MTMR10: variants seen among roughly 807,000 people sequenced by gnomAD.
MTMR10 encodes myotubularin related protein 10.
MTMR10 carries 56 observed loss-of-function variants against 88.1 expected under a neutral mutation model. The ratio of observed to expected loss-of-function variants is 0.64; its 90% CI spans 0.51 to 0.79. The LOEUF (loss-of-function observed/expected upper bound fraction) is 0.79, where lower values mean the gene tolerates loss of function less well. Ranked by LOEUF, MTMR10 falls within the 30% of genes least tolerant of loss-of-function variation. The probability of loss-of-function intolerance (pLI) is 0.00; values close to 1 mark genes in which losing one functional copy is unlikely to be tolerated. For missense variants in MTMR10, 883 were observed against 924.7 expected, an observed-to-expected ratio of 0.95 and a Z score of 0.58; for synonymous variants, 380 against 340.9, an observed-to-expected ratio of 1.11 and a Z score of -1.26.
At chr15:30,978,286 C>T (rs557843619) in intron 2 of MTMR10, among the ~76,000 whole-genome samples, 1 of 152,266 alleles carries the variant, frequency 6.6e-6, no homozygotes, top group Non-Finnish European at 1.5e-5. Flanking sequence ...GGATTATATG[C>T]TCCATGAGGG....
At chr15:30,936,978 C>T (rs1000206605), downstream of MTMR10, 17 of 673,838 alleles carry the variant, frequency 2.5e-5, no homozygotes, top group Middle Eastern at 1.2e-3. Context: ...AAGGACCATC[C>T]GTATATTTGT....
Position 30,977,032 on chromosome 15 carries a change from T to C in MTMR10, c.122-77A>G, listed in dbSNP as rs1474380. 425,852 of 1,390,660 alleles carry C rather than the reference T, an allele frequency of 0.31. 68,622 individuals carry two copies. Among genetic ancestry groups the C allele is most frequent in the Non-Finnish European group, 0.33 (334,618 of 1,001,610 alleles). 86.1% of individuals were successfully genotyped at this position (1,390,660 alleles called of 1,614,324 possible). ...GTCTTTGTGGGACCTAGAAGGAGTG[T>C]TTCATGAGGGCAAGGATGAGGATAG... is the stretch of plus-strand genomic sequence containing the variant. On this transcript the variant is annotated intron_variant, in intron 2 of 15. Transcript: ENST00000435680.
the MTMR10 span, chr15:30,922,348 G>A: frequency 3.1e-6 from 5 of 1,608,740 alleles, no homozygotes; most frequent in South Asian, 4.5e-5. Context: ...TGAAGCGCCT[G>A]GAACCGGTAC....
At chr15:30,932,491 A>G in the MTMR10 span, among the ~76,000 whole-genome samples, 1 of 152,122 alleles carries the variant, frequency 6.6e-6, no homozygotes, top group African/African-American at 2.4e-5. Context: ...TAGAATTAGT[A>G]TTATTCCCTA....
At chr15:30,929,286 T>C in the MTMR10 span, 2 of 1,613,286 alleles carry the variant, frequency 1.2e-6, no homozygotes, top group Non-Finnish European at 1.7e-6. Flanking sequence ...TGATTCATGA[T>C]GCCCCCGAGG....
At chr15:30,944,565 C>CAA (rs36025105) in intron 14 of MTMR10, among the ~76,000 whole-genome samples, 2,794 of 90,326 alleles carry the variant, frequency 0.031, 108 homozygotes, top group African/African-American at 0.11. Flanking sequence ...GACTCTGTCT[C>CAA]AAAAAAAAAA....
At chr15:30,973,634 A>G (rs974860743) in intron 5 of MTMR10, among the ~76,000 whole-genome samples, 18 of 152,166 alleles carry the variant, frequency 1.2e-4, no homozygotes, top group African/African-American at 4.1e-4. Context: ...TTCCTACTGG[A>G]AAGTCTGTGA....
intron 6 of MTMR10, among the ~76,000 whole-genome samples, chr15:30,962,889 C>A (rs1158934241): frequency 6.6e-6 from 1 of 152,116 alleles, no homozygotes; most frequent in Non-Finnish European, 1.5e-5. Context: ...TTCTAAGGAA[C>A]AAGTCAAAAG....
chr15:30,972,553 A>G (rs2063550132), intron 5 of MTMR10, among the ~76,000 whole-genome samples: 1 of 152,180 alleles, frequency 6.6e-6, no homozygotes, highest in African/African-American at 2.4e-5. Context: ...TTCATGAACC[A>G]GCAGCACAAC....
chr15:30,937,274 A>C, downstream of MTMR10: 1 of 1,592,588 alleles, frequency 6.3e-7, no homozygotes, highest in Non-Finnish European at 8.5e-7. Context: ...GGAATTGGGG[A>C]TATTTGGTCA....
chr15:30,943,208 C>T lies in MTMR10; in HGVS notation c.1549-136G>A, dbSNP rs555125635. The stretch of plus-strand genomic sequence containing the variant: ...TCAAAACCCACCAGAGTGGCACTTT[C>T]ACTTCAAGAGAGGAGACGCTCCTGG... On this transcript the variant is annotated intron_variant, in intron 14 of 15. Coordinates refer to ENST00000435680, the MANE Select transcript of MTMR10 (RefSeq NM_017762.3). The T allele has an allele frequency of 5.6e-5, 79 of 1,411,362 alleles. No homozygotes were observed. The African/African-American group carries it at 1.0e-3, about 19-fold the overall frequency. The allele number at this position is 1,411,362 out of a possible 1,614,324, so 87.4% of individuals were successfully genotyped here. A position where few individuals can be genotyped will look rare whatever the true frequency, so the allele number is the denominator to read the frequency against.
chr15:30,938,430 A>G (rs1033674369), downstream of MTMR10, among the ~76,000 whole-genome samples: 1 of 152,162 alleles, frequency 6.6e-6, no homozygotes, highest in African/African-American at 2.4e-5. Flanking sequence ...TTGGGCCCGG[A>G]TCATGAAAGG....
At chr15:30,968,534 A>AACAC (rs61503155) in intron 5 of MTMR10, among the ~76,000 whole-genome samples, 18,240 of 142,760 alleles carry the variant, frequency 0.13, 1,257 homozygotes, top group Non-Finnish European at 0.15. Flanking sequence ...TCAAAAAAAC[A>AACAC]ACACACACAC....
At chr15:30,978,289 C>T (rs1216317186) in intron 2 of MTMR10, among the ~76,000 whole-genome samples, 1 of 152,038 alleles carries the variant, frequency 6.6e-6, no homozygotes, top group Non-Finnish European at 1.5e-5. Context: ...TTATATGCTC[C>T]ATGAGGGTAG....
the MTMR10 span, chr15:30,927,400 T>C: frequency 3.2e-5 from 32 of 985,498 alleles, no homozygotes; most frequent in Non-Finnish European, 3.7e-5. Flanking sequence ...GAGTCCTGAG[T>C]GAACCGCTGT....
At chr15:30,970,574 T>C (rs998705759) in intron 5 of MTMR10, among the ~76,000 whole-genome samples, 1 of 152,132 alleles carries the variant, frequency 6.6e-6, no homozygotes, top group African/African-American at 2.4e-5. Flanking sequence ...TTAAGGAAAA[T>C]GCTCCAAGCC....
chr15:30,933,753 C>CTTTTTTT, the MTMR10 span, among the ~76,000 whole-genome samples: 1 of 136,164 alleles, frequency 7.3e-6, no homozygotes. Flanking sequence ...TATTTCTTTT[C>CTTTTTTT]TTTTTTTTTT....
In MTMR10 at chr15:30,971,066, C is replaced by T. The variant is rs183130158; in HGVS notation, c.475-3056G>A. Among the ~76,000 whole-genome samples the T allele has an allele frequency of 7.3e-3, 1,108 of 152,168 alleles. 6 individuals carry two copies. The highest frequency in any genetic ancestry group is 0.012 in the Non-Finnish European group (822 of 67,984). On this transcript the variant is annotated intron_variant, in intron 5 of 15. Transcript: ENST00000435680. ...GTCTTCATGTTGTTACTGTGGAACACTCCGAGAAGAGAAAGCCAGGGCCCC... is the reference window on the plus strand; with the variant it reads ...GTCTTCATGTTGTTACTGTGGAACATTCCGAGAAGAGAAAGCCAGGGCCCC...
At chr15:30,925,923 C>T in the MTMR10 span, 2 of 1,614,208 alleles carry the variant, frequency 1.2e-6, no homozygotes, top group Non-Finnish European at 1.7e-6. Flanking sequence ...ATTACAGACG[C>T]AGCGGTTTTG....
Sources: gnomAD v4.1 joint callset for allele counts (sites outside exome capture counted in the v4.1 genomes callset) on GRCh38, gnomAD v4.1.1 for gene constraint, MANE v1.5 for transcripts, NCBI Gene and HGNC (gene_info 2026-07-23, HGNC 2026-07-21) for gene names.